The following ADGRL2 variants were observed in gnomAD, a reference collection of about 807,000 sequenced individuals.
ADGRL2 encodes adhesion G protein-coupled receptor L2.
A neutral mutation model predicts 157.4 loss-of-function variants in ADGRL2; 44 were observed. The observed-to-expected ratio is 0.28, with a 90% CI of 0.22 to 0.36. The LOEUF (loss-of-function observed/expected upper bound fraction) is 0.36. ADGRL2 is among the 10% of genes least tolerant of loss of function. The probability of loss-of-function intolerance (pLI) is 1.00; values close to 1 mark genes in which losing one functional copy is unlikely to be tolerated. For synonymous variants in ADGRL2, 585 were observed against 624.7 expected (o/e 0.94, Z 0.95); for missense variants, 1,510 against 1,768.9 (o/e 0.85, Z 2.63).
At chr1:81,548,054 G>A (rs1056796139) in intron 2 of ADGRL2, among the ~76,000 whole-genome samples, 2 of 152,150 alleles carry the variant, frequency 1.3e-5, no homozygotes, top group Non-Finnish European at 2.9e-5. Flanking sequence ...CTGGGAAGGA[G>A]TTCTTTCTCT....
At chr1:81,381,364 A>G (rs1483636520) in intron 1 of ADGRL2, among the ~76,000 whole-genome samples, 1 of 152,140 alleles carries the variant, frequency 6.6e-6, no homozygotes, top group Admixed American at 6.5e-5. Flanking sequence ...CATTTTCATC[A>G]TTAAATAATG....
intron 1 of ADGRL2, among the ~76,000 whole-genome samples, chr1:81,714,595 G>C (rs2149093787): frequency 6.6e-6 from 1 of 152,168 alleles, no homozygotes; most frequent in East Asian, 1.9e-4. Flanking sequence ...ATAGAAGTCA[G>C]GCACAAAACT....
At position 81,466,677 on chromosome 1, in the gene ADGRL2, G is replaced by GTGCA. The variant is rs1553167502; in HGVS notation, c.-248+21588_-248+21589insTGCA. The stretch of plus-strand genomic sequence containing the variant: ...TATAACATCTCTCTCTCTCACGCGC[G>GTGCA]CGCACACACACACACATACACACTA... On this transcript the variant is annotated intron_variant, in intron 2 of 24. Transcript: ENST00000370721. Among the ~76,000 whole-genome samples the GTGCA allele has an allele frequency of 1.1e-3, 41 of 38,608 alleles. No homozygotes were observed. The South Asian group carries it at 0.032, about 30-fold the overall frequency. 25.3% of individuals were successfully genotyped at this position (38,608 alleles called of 152,430 possible). A position where few individuals can be genotyped will look rare whatever the true frequency, so the allele number is the denominator to read the frequency against.
chr1:81,588,575 T>G (rs1323516054), intron 3 of ADGRL2: 1 of 152,200 alleles, frequency 6.6e-6, no homozygotes, highest in Admixed American at 6.6e-5. Context: ...TGACTACTTC[T>G]GCAGGTCTAG....
intron 2 of ADGRL2, among the ~76,000 whole-genome samples, chr1:81,900,708 A>G (rs1485818829): frequency 3.3e-5 from 5 of 152,226 alleles, no homozygotes; most frequent in Non-Finnish European, 7.3e-5. Flanking sequence ...CAGAGGAGAC[A>G]TGAGAGGACT....
intron 2 of ADGRL2, among the ~76,000 whole-genome samples, chr1:81,553,568 T>G (rs188123634): frequency 6.6e-6 from 1 of 152,216 alleles, no homozygotes; most frequent in African/African-American, 2.4e-5. Flanking sequence ...ATTTCACCCT[T>G]CATGACACAC....
chr1:81,386,712 G>A (rs1237286457), intron 1 of ADGRL2, among the ~76,000 whole-genome samples: 1 of 152,080 alleles, frequency 6.6e-6, no homozygotes, highest in Non-Finnish European at 1.5e-5. Flanking sequence ...TTGAATTAAT[G>A]GTCATTATAA....
chr1:81,983,210 T>C (rs1481970089), intron 19 of ADGRL2, among the ~76,000 whole-genome samples: 3 of 152,000 alleles, frequency 2.0e-5, no homozygotes, highest in Admixed American at 6.6e-5. Flanking sequence ...GCTTTTTAGA[T>C]TTAACAATTA....
intron 10 of ADGRL2, among the ~76,000 whole-genome samples, chr1:81,955,129 A>C (rs986090037): frequency 1.3e-5 from 2 of 152,190 alleles, no homozygotes; most frequent in African/African-American, 4.8e-5. Flanking sequence ...GTGCATATTT[A>C]CAACTTGGGT....
intron 2 of ADGRL2, among the ~76,000 whole-genome samples, chr1:81,868,454 G>T (rs1270038655): frequency 1.3e-5 from 2 of 152,068 alleles, no homozygotes; most frequent in Non-Finnish European, 2.9e-5. Context: ...ACTCTAAGCA[G>T]TTTGGCCCTG....
chr1:81,352,399 A>G (rs1486299581), intron 1 of ADGRL2, among the ~76,000 whole-genome samples: 3 of 152,196 alleles, frequency 2.0e-5, no homozygotes, highest in Non-Finnish European at 4.4e-5. Context: ...TTGAAATATA[A>G]CTTTACACAA....
chr1:81,819,013 A>G (rs968866772), intron 1 of ADGRL2, among the ~76,000 whole-genome samples: 1 of 152,158 alleles, frequency 6.6e-6, no homozygotes, highest in African/African-American at 2.4e-5. Flanking sequence ...AGTTTGGGAC[A>G]TGATTATGAA....
chr1:81,546,862 G>A (rs534530302), intron 2 of ADGRL2, among the ~76,000 whole-genome samples: 100 of 152,258 alleles, frequency 6.6e-4, no homozygotes, highest in African/African-American at 2.3e-3. Context: ...TCTCCCAGAG[G>A]TGGTCATCTC....
At chr1:81,571,985 C>T (rs1388101358) in intron 2 of ADGRL2, among the ~76,000 whole-genome samples, 1 of 151,854 alleles carries the variant, frequency 6.6e-6, no homozygotes, top group East Asian at 1.9e-4. Context: ...AGTCATCCAA[C>T]AAAAAGTAAA....
rs191288366 is a variant in ADGRL2, at chr1:81,462,317, A to G, written c.-248+17228A>G. On this transcript the variant is annotated intron_variant, in intron 2 of 24. Transcript: ENST00000370721. ...CAGCAACCTGCTCTGCTGCCCTTCT[A>G]TGTTGTGGAAGGTTAGTTCTTTTGC... 2.4e-3 allele frequency among the ~76,000 whole-genome samples: 371 copies of G among 152,244 alleles called. 3 individuals are homozygous for G. Among genetic ancestry groups the G allele is most frequent in the African/African-American group, 8.5e-3 (355 of 41,546 alleles).
At chr1:81,437,074 T>C (rs1040679051) in intron 1 of ADGRL2, among the ~76,000 whole-genome samples, 1 of 152,224 alleles carries the variant, frequency 6.6e-6, no homozygotes, top group Non-Finnish European at 1.5e-5. Context: ...ACAGTCTGGA[T>C]TATAATTTGT....
intron 1 of ADGRL2, among the ~76,000 whole-genome samples, chr1:81,401,376 C>CTCTTGCTT (rs1257677498): frequency 1.3e-5 from 2 of 151,700 alleles, no homozygotes; most frequent in Non-Finnish European, 2.9e-5. Flanking sequence ...AACCGGGATC[C>CTCTTGCTT]TCTTGCTTAC....
intron 1 of ADGRL2, among the ~76,000 whole-genome samples, chr1:81,390,009 G>T (rs138672937): frequency 6.6e-6 from 1 of 152,026 alleles, no homozygotes; most frequent in East Asian, 1.9e-4. Flanking sequence ...ACAGGTTGAG[G>T]TAATGGTCTT....
chr1:81,437,302 C>CA (rs1033128159), intron 1 of ADGRL2, among the ~76,000 whole-genome samples: 1 of 151,814 alleles, frequency 6.6e-6, no homozygotes, highest in Admixed American at 6.6e-5. Flanking sequence ...AAAAGGAAAG[C>CA]TTTTTTTTAC....
Sources: allele counts gnomAD v4.1 joint callset (sites outside exome capture counted in the v4.1 genomes callset), GRCh38; gene constraint gnomAD v4.1.1; transcripts MANE v1.5; gene names NCBI Gene and HGNC (gene_info 2026-07-23, HGNC 2026-07-21).